The following MYOM2 variants were observed in gnomAD, a reference collection of about 807,000 sequenced individuals.
The protein encoded by MYOM2 is myomesin-2.
In MYOM2, 254 loss-of-function variants were observed where a neutral mutation model predicts 187.6. That is an observed-to-expected ratio of 1.35 (90% CI 1.22 to 1.50). MYOM2 has a LOEUF of 1.50. Ranked by LOEUF, MYOM2 falls within the 40% of genes most tolerant of loss-of-function variation. The pLI is 0.00. For synonymous variants in MYOM2, 981 were observed against 753.8 expected (o/e 1.30, Z -4.94); for missense variants, 2,796 against 1,924.0 (o/e 1.45, Z -8.48).
intron 14 of MYOM2, among the ~76,000 whole-genome samples, chr8:2,086,305 C>T (rs1337471539): frequency 3.3e-5 from 4 of 122,358 alleles, no homozygotes; most frequent in East Asian, 2.7e-4. Flanking sequence ...TCCGCGTGGC[C>T]CCCCACAGTC....
intron 5 of MYOM2, among the ~76,000 whole-genome samples, chr8:2,058,061 C>T (rs569453408): frequency 4.3e-5 from 5 of 117,170 alleles, no homozygotes; most frequent in African/African-American, 1.3e-4. Context: ...CTCTGTTGCC[C>T]AGGCTGGAGT....
chr8:2,083,865 C>T (rs1036926188), intron 13 of MYOM2, among the ~76,000 whole-genome samples: 2 of 152,206 alleles, frequency 1.3e-5, no homozygotes, highest in African/African-American at 4.8e-5. Flanking sequence ...TCCTTCTCAC[C>T]TTGTCATCAA....
At chr8:2,046,508 T>A (rs530601404) in intron 1 of MYOM2, among the ~76,000 whole-genome samples, 1 of 152,300 alleles carries the variant, frequency 6.6e-6, no homozygotes, top group South Asian at 2.1e-4. Flanking sequence ...GGGGACGGTC[T>A]GTGCTAACAG....
rs978441045 is a variant in MYOM2, at chr8:2,130,346, C to G, written c.3800+1114C>G. On this transcript the variant is annotated intron_variant, in intron 32 of 36. Transcript: ENST00000262113. The stretch of plus-strand genomic sequence containing the variant: ...CTACGCTATACCCAGGGCGCCCACA[C>G]CCCGCCTTTAGTTAACGCCCCTCAC... Among the ~76,000 whole-genome samples, 22 of 120,670 alleles carry G rather than the reference C, an allele frequency of 1.8e-4. 1 individual carries two copies. The highest frequency in any genetic ancestry group is 8.9e-4 in the African/African-American group (21 of 23,610). 79.2% of individuals were successfully genotyped at this position (120,670 alleles called of 152,430 possible).
chr8:2,055,076 A>G (rs1818616470), intron 3 of MYOM2, among the ~76,000 whole-genome samples: 1 of 104,330 alleles, frequency 9.6e-6, no homozygotes, highest in Non-Finnish European at 2.2e-5. Context: ...GTACCTGGAT[A>G]CTGGGGGAAC....
intron 1 of MYOM2, among the ~76,000 whole-genome samples, chr8:2,049,583 A>G (rs1818417931): frequency 6.6e-6 from 1 of 152,016 alleles, no homozygotes; most frequent in African/African-American, 2.4e-5. Flanking sequence ...TGTGGGTGGC[A>G]CCCCTGGGGC....
chr8:2,100,154 TTCC>T, intron 19 of MYOM2, among the ~76,000 whole-genome samples: 2 of 145,984 alleles, frequency 1.4e-5, no homozygotes, highest in Admixed American at 6.8e-5. Flanking sequence ...CCTTCCTTCC[TTCC>T]TTCCTTCCTT....
chr8:2,091,716 C>T (rs889464239), intron 15 of MYOM2, among the ~76,000 whole-genome samples: 6 of 152,220 alleles, frequency 3.9e-5, no homozygotes, highest in African/African-American at 1.4e-4. Context: ...CTTGACAAGA[C>T]CAGCTGTCTT....
At chr8:2,120,658 G>GTATATATATATTATATATA (rs1797397074) in intron 28 of MYOM2, among the ~76,000 whole-genome samples, 1 of 2,822 alleles carries the variant, frequency 3.5e-4, no homozygotes, top group Non-Finnish European at 1.2e-3. Context: ...TTGATTTCCT[G>GTATATATATATTATATATA]TATATATATA....
At chr8:2,071,344 A>G (rs1819209877) in intron 8 of MYOM2, among the ~76,000 whole-genome samples, 1 of 151,880 alleles carries the variant, frequency 6.6e-6, no homozygotes, top group Admixed American at 6.6e-5. Flanking sequence ...TAAACCATAC[A>G]GTTTTTTTTT....
intron 27 of MYOM2, among the ~76,000 whole-genome samples, chr8:2,117,490 G>T (rs1194929361): frequency 6.6e-6 from 1 of 152,070 alleles, no homozygotes; most frequent in Non-Finnish European, 1.5e-5. Context: ...CTTATTTAAA[G>T]GTATTATTTA....
intron 2 of MYOM2, among the ~76,000 whole-genome samples, chr8:2,051,633 G>T (rs1203486991): frequency 6.6e-6 from 1 of 152,202 alleles, no homozygotes; most frequent in Non-Finnish European, 1.5e-5. Flanking sequence ...GCAGCCTTGG[G>T]GTGTCTCAAA....
At chr8:2,092,198 C>T (rs953562625) in intron 15 of MYOM2, 148 bp from the exon 16 acceptor site, 3 of 942,648 alleles carry the variant, frequency 3.2e-6, no homozygotes, top group African/African-American at 1.7e-5. Flanking sequence ...CCCGGGGCTC[C>T]TCTCCTACTC....
Position 2,057,397 on chromosome 8 carries a change from C to T in MYOM2, c.313C>T (p.Leu105Phe), listed in dbSNP as rs1818702028. The T allele has an allele frequency of 1.2e-6, 2 of 1,613,934 alleles. No individual in the cohort carries two copies. The highest frequency in any genetic ancestry group is 1.3e-5 in the African/African-American group (1 of 75,060). ...TGGTGAGGCCAAGCGACAGCGCTTC[C>T]TCAGCGAGCTGGCCCACTTGGAGGA... ...AYGEAKRQRFLSELAHLEEDV... is the reference protein window; with the variant it reads ...AYGEAKRQRFFSELAHLEEDV... The change falls in exon 4 of 37, where the codon CTC becomes TTC. Residue 105 changes from leucine to phenylalanine, a missense_variant. By Grantham distance (22) the Leu-to-Phe change is conservative. Transcript: ENST00000262113.
At chr8:2,122,981 CTA>C (rs10537741) in intron 28 of MYOM2, among the ~76,000 whole-genome samples, 111,091 of 151,826 alleles carry the variant, frequency 0.73, 40,702 homozygotes, top group East Asian at 0.8. Context: ...ATCTTTATGC[CTA>C]GTCTAATTTC....
chr8:2,128,386 A>C (rs998380810), intron 31 of MYOM2, among the ~76,000 whole-genome samples: 2 of 152,214 alleles, frequency 1.3e-5, no homozygotes, highest in African/African-American at 4.8e-5. Context: ...CTTATTTTCC[A>C]TTATCTGTGC....
chr8:2,052,298 A>G lies in MYOM2; in HGVS notation c.248A>G (p.Gln83Arg), dbSNP rs1367280220. 5.6e-6 allele frequency: 9 copies of G among 1,604,754 alleles called. No individual in the cohort carries two copies. Among genetic ancestry groups the G allele is most frequent in the Non-Finnish European group, 7.7e-6 (9 of 1,175,572 alleles). The stretch of plus-strand genomic sequence containing the variant: ...GTGAGCACGCAGGAAGATGAGGAGC[A>G]GGAGAACAGAAGCAGGTGAGCACAT... ...KRVSTQEDEE[Q>R]ENRSRYQSLV... Residue 83 changes from glutamine (Q) to arginine (R), a missense_variant, in exon 3 of 37, where the codon CAG becomes CGG. By Grantham distance (43) the Gln-to-Arg change is conservative. Coordinates refer to ENST00000262113, the MANE Select transcript of MYOM2 (RefSeq NM_003970.4).
intron 32 of MYOM2, among the ~76,000 whole-genome samples, chr8:2,135,286 C>G (rs963315339): frequency 6.6e-6 from 1 of 152,138 alleles, no homozygotes. Context: ...AGTATCAAAT[C>G]AAAATATTGC....
At chr8:2,052,925 A>T (rs1037301744) in intron 3 of MYOM2, among the ~76,000 whole-genome samples, 1 of 152,226 alleles carries the variant, frequency 6.6e-6, no homozygotes, top group Non-Finnish European at 1.5e-5. Context: ...GTGAAATGTC[A>T]TGGGAATGGG....
Sources: gnomAD v4.1 joint callset for allele counts (sites outside exome capture counted in the v4.1 genomes callset) on GRCh38, gnomAD v4.1.1 for gene constraint, MANE v1.5 for transcripts, NCBI Gene and HGNC (gene_info 2026-07-23, HGNC 2026-07-21) for gene names.